Variants in SENP6 observed in about 807,000 individuals in gnomAD.
The protein encoded by SENP6 is SUMO specific peptidase 6.
SENP6 carries 41 observed loss-of-function variants against 134.5 expected under a neutral mutation model. That is an observed-to-expected ratio of 0.30 (90% CI 0.24 to 0.40). The LOEUF (loss-of-function observed/expected upper bound fraction) is 0.40, where lower values mean the gene tolerates loss of function less well. Ranked by LOEUF, SENP6 falls within the 10% of genes least tolerant of loss-of-function variation. The probability of loss-of-function intolerance (pLI) is 1.00; values close to 1 mark genes in which losing one functional copy is unlikely to be tolerated. For synonymous variants in SENP6, 395 were observed against 429.8 expected (o/e 0.92, Z 1.00); for missense variants, 1,248 against 1,312.5 (o/e 0.95, Z 0.76).
intron 19 of SENP6, 74 bp from the exon 20 acceptor site, chr6:75,709,453 A>G: frequency 1.0e-6 from 1 of 953,774 alleles, no homozygotes; most frequent in Non-Finnish European, 1.6e-6. Flanking sequence ...AACTACTAGC[A>G]TTAATTTCAG....
At chr6:75,670,199 G>A (rs1170744487) in intron 10 of SENP6, among the ~76,000 whole-genome samples, 1 of 152,030 alleles carries the variant, frequency 6.6e-6, no homozygotes, top group Non-Finnish European at 1.5e-5. Context: ...CGCCCATCTC[G>A]GCCTCCCAAA....
intron 16 of SENP6, among the ~76,000 whole-genome samples, chr6:75,685,826 A>G (rs1008595768): frequency 1.1e-4 from 16 of 152,126 alleles, no homozygotes; most frequent in African/African-American, 3.9e-4. Flanking sequence ...TATGTGGTCA[A>G]TTTTTGAATA....
rs771034288 is a variant in SENP6, at chr6:75,713,746, C to T, written c.3050C>T (p.Ser1017Phe). The stretch of plus-strand genomic sequence containing the variant: ...TTTTCCAAAGATGTTATGAAGGGCT[C>T]TAATCCAAAAGTACCACAGCAAAAC... The part of the protein sequence containing the change: ...RSFSKDVMKG[S>F]NPKVPQQNNF... Residue 1017 changes from serine (S) to phenylalanine (F), a missense_variant, in exon 23 of 24, where the codon TCT becomes TTT. Transcript: ENST00000447266. The T allele has an allele frequency of 4.3e-6, 7 of 1,613,250 alleles. No individual in the cohort carries two copies. Among genetic ancestry groups the T allele is most frequent in the Non-Finnish European group, 5.9e-6 (7 of 1,179,540 alleles).
intron 9 of SENP6, 75 bp downstream of exon 9, chr6:75,663,593 C>T (rs1289303727): frequency 9.6e-7 from 1 of 1,040,916 alleles, no homozygotes; most frequent in Non-Finnish European, 1.4e-6. Context: ...AACCACTCTC[C>T]CCAACCCCAT....
intron 20 of SENP6, among the ~76,000 whole-genome samples, chr6:75,710,197 C>CT (rs769499332): frequency 3.1e-5 from 4 of 130,058 alleles, no homozygotes; most frequent in African/African-American, 1.6e-4. Flanking sequence ...ATTTTTTTTT[C>CT]TCCTGCCTGA....
intron 3 of SENP6, among the ~76,000 whole-genome samples, chr6:75,627,235 T>G (rs1009275034): frequency 2.0e-5 from 3 of 152,208 alleles, no homozygotes; most frequent in African/African-American, 4.8e-5. Context: ...GTGCTGAGAT[T>G]ACAGGCGTGA....
rs1772511741 is a variant in SENP6 at position 75,669,581 on chromosome 6, T to C, written c.1225-972T>C. 1.3e-5 allele frequency among the ~76,000 whole-genome samples: 2 copies of C among 152,174 alleles called. 1 individual carries two copies. Among genetic ancestry groups the C allele is most frequent in the South Asian group, 4.1e-4 (2 of 4,836 alleles). On this transcript the variant is annotated intron_variant, in intron 10 of 23. Transcript: ENST00000447266. ...CTTGTGATGATAATAAAGATACTAA[T>C]ATAATTACTTGTAATTAAAATTACA...
At chr6:75,625,532 G>T (rs376086972) in intron 3 of SENP6, among the ~76,000 whole-genome samples, 3 of 151,976 alleles carry the variant, frequency 2.0e-5, no homozygotes, top group African/African-American at 4.8e-5. Context: ...TCTTTTAAAG[G>T]CTTTTGAGTC....
At chr6:75,688,208 C>T (rs762938558) in intron 16 of SENP6, among the ~76,000 whole-genome samples, 8 of 152,206 alleles carry the variant, frequency 5.3e-5, no homozygotes, top group Non-Finnish European at 8.8e-5. Context: ...GAGCCAGGCA[C>T]GGGAGAGAAT....
At chr6:75,655,637 T>C (rs886553157) in intron 7 of SENP6, among the ~76,000 whole-genome samples, 1 of 152,198 alleles carries the variant, frequency 6.6e-6, no homozygotes, top group Admixed American at 6.5e-5. Context: ...ATCAATAGTT[T>C]GTTTCTTTTT....
At chr6:75,661,070 T>C (rs189762481) in intron 8 of SENP6, among the ~76,000 whole-genome samples, 2 of 152,302 alleles carry the variant, frequency 1.3e-5, no homozygotes, top group East Asian at 1.9e-4. Context: ...ATGGGTATTA[T>C]TGTTTCTCGG....
intron 1 of SENP6, among the ~76,000 whole-genome samples, chr6:75,621,047 T>C (rs368907825): frequency 8.5e-5 from 13 of 152,290 alleles, no homozygotes; most frequent in African/African-American, 3.1e-4. Flanking sequence ...TGATCTAGAG[T>C]TTTTCAGGTT....
chr6:75,712,340 T>G (rs1450775768), intron 21 of SENP6, among the ~76,000 whole-genome samples: 1 of 151,984 alleles, frequency 6.6e-6, no homozygotes. Context: ...AGACCTAGGG[T>G]AGTTAAACAA....
chr6:75,614,877 G>A (rs1356707054), intron 1 of SENP6, among the ~76,000 whole-genome samples: 2 of 152,016 alleles, frequency 1.3e-5, no homozygotes, highest in Admixed American at 1.3e-4. Flanking sequence ...TTCCTGGTTT[G>A]CAAGTTTTTT....
In SENP6 at chr6:75,602,417, C is replaced by T. The variant is rs1473351419; in HGVS notation, c.-108C>T. On this transcript the variant is annotated 5_prime_UTR_variant, in exon 1 of 24. Coordinates refer to ENST00000447266, the MANE Select transcript of SENP6 (RefSeq NM_015571.4). Reference sequence around the variant, plus strand: ...GCCCGCCTGACGGCTGAGCCCGAGGCCCGCAACCCTGCGGCGTCTACCCTC... The same window carrying T: ...GCCCGCCTGACGGCTGAGCCCGAGGTCCGCAACCCTGCGGCGTCTACCCTC... The T allele has an allele frequency of 1.5e-6, 2 of 1,315,456 alleles. No homozygotes were observed. Among genetic ancestry groups the T allele is most frequent in the Non-Finnish European group, 1.1e-6 (1 of 946,534 alleles). 81.5% of individuals were successfully genotyped at this position (1,315,456 alleles called of 1,614,324 possible). A position where few individuals can be genotyped will look rare whatever the true frequency, so the allele number is the denominator to read the frequency against.
intron 19 of SENP6, among the ~76,000 whole-genome samples, chr6:75,708,120 C>T (rs987500063): frequency 5.9e-5 from 9 of 152,122 alleles, no homozygotes; most frequent in Admixed American, 2.0e-4. Context: ...AGTACAGTGG[C>T]GCAGTCTTGG....
intron 9 of SENP6, 87 bp downstream of exon 9, chr6:75,663,605 T>C: frequency 1.0e-6 from 1 of 957,008 alleles, no homozygotes; most frequent in South Asian, 1.6e-5. Context: ...CAACCCCATA[T>C]ATATTTTTAA....
In SENP6 at chr6:75,634,730, T is replaced by C. The variant is rs371315357; in HGVS notation, c.377T>C (p.Leu126Ser). Residue 126 changes from leucine to serine, a missense_variant, in exon 5 of 24, where the codon TTA (leucine) becomes TCA (serine). Transcript: ENST00000447266. ...KLSENTQNTS[L>S]CSGTVVHGRR... The stretch of plus-strand genomic sequence containing the variant: ...AGTGAAAATACGCAAAATACGTCAT[T>C]ATGTTCTGGAACTGTAGTTCATGGT... The C allele has an allele frequency of 2.5e-6, 4 of 1,582,518 alleles. No individual in the cohort carries two copies. The highest frequency in any genetic ancestry group is 1.2e-5 in the South Asian group (1 of 84,012).
chr6:75,659,951 C>T (rs537132404), intron 8 of SENP6, among the ~76,000 whole-genome samples: 1 of 152,250 alleles, frequency 6.6e-6, no homozygotes, highest in South Asian at 2.1e-4. Flanking sequence ...TAACATTGAT[C>T]TAAAATTACC....
Sources: gnomAD v4.1 joint callset for allele counts (sites outside exome capture counted in the v4.1 genomes callset) on GRCh38, gnomAD v4.1.1 for gene constraint, MANE v1.5 for transcripts, NCBI Gene and HGNC (gene_info 2026-07-23, HGNC 2026-07-21) for gene names.